The following TCL1B variants were observed in gnomAD, a reference collection of about 807,000 sequenced individuals.
TCL1B encodes T-cell leukemia/lymphoma protein 1B.
Under a neutral mutation model 16.9 loss-of-function variants are expected in TCL1B, and 14 were observed. The observed-to-expected ratio is 0.83, with a 90% CI of 0.55 to 1.30. The LOEUF (loss-of-function observed/expected upper bound fraction) is 1.30, where lower values mean the gene tolerates loss of function less well. TCL1B is among the 50% of genes most tolerant of loss of function. TCL1B has a pLI of 0.00. For synonymous variants in TCL1B, 79 were observed against 66.6 expected, an observed-to-expected ratio of 1.19 and a Z score of -0.91; for missense variants, 166 against 165.2, an observed-to-expected ratio of 1.00 and a Z score of -0.03.
intron 1 of TCL1B, among the ~76,000 whole-genome samples, chr14:95,687,951 C>CAGA: frequency 9.2e-6 from 1 of 108,716 alleles, no homozygotes; most frequent in South Asian, 3.2e-4. Flanking sequence ...GACTCCGTCC[C>CAGA]AAAAAAAAAA....
chr14:95,691,428 C>G, intron 3 of TCL1B, 92 bp downstream of exon 3: 2 of 1,212,000 alleles, frequency 1.7e-6, no homozygotes, highest in South Asian at 1.4e-5. Flanking sequence ...GCCTCCTCCT[C>G]CCTGCTGTTT....
intron 1 of TCL1B, 101 bp from the exon 2 acceptor site, chr14:95,690,634 AT>A (rs1885858386): frequency 1.5e-6 from 2 of 1,337,348 alleles, no homozygotes; most frequent in African/African-American, 2.9e-5. Context: ...TTCTGAAAAC[AT>A]TTACCTCTGA....
Position 95,690,892 on chromosome 14 carries a change from G to A in TCL1B, c.319G>A (p.Ala107Thr), listed in dbSNP as rs559450838. 9.8e-5 allele frequency: 158 copies of A among 1,613,854 alleles called. 1 individual carries two copies. The South Asian group carries it at 1.7e-3, about 17-fold the overall frequency. ...RAADSSFWEI[A>T]DHGQIDSMEQ... is the part of the protein sequence containing the mutation. ...AGCGGATTCCAGTTTCTGGGAAATA[G>A]CAGACCATGGCCAGGCAAGTGTGTG... The change falls in exon 2 of 4, where the codon GCA becomes ACA. Residue 107 changes from alanine to threonine, a missense_variant. Transcript: ENST00000340722.
chr14:95,686,756 C>A, intron 1 of TCL1B, 127 bp downstream of exon 1: 1 of 1,182,198 alleles, frequency 8.5e-7, no homozygotes, highest in Non-Finnish European at 1.1e-6. Flanking sequence ...CTGTGCAGGT[C>A]TAGGAGCGCA....
chr14:95,691,390 CCT>C (rs1257709583), intron 3 of TCL1B, 54 bp downstream of exon 3: 4 of 1,537,640 alleles, frequency 2.6e-6, no homozygotes, highest in African/African-American at 1.4e-5. Context: ...AGTGAGAAGA[CCT>C]CTCCTCTTTT....
At chr14:95,690,994 G>T (rs2075770) in intron 2 of TCL1B, 88 bp downstream of exon 2, 742,051 of 1,496,186 alleles carry the variant, frequency 0.5, 187,258 homozygotes, top group East Asian at 0.77. Context: ...TGGCCCCCTT[G>T]GGGTTCTTGT....
At chr14:95,686,886 G>A (rs1319607881) in intron 1 of TCL1B, among the ~76,000 whole-genome samples, 2 of 152,216 alleles carry the variant, frequency 1.3e-5, no homozygotes, top group Non-Finnish European at 2.9e-5. Flanking sequence ...AGGTAGCTCA[G>A]GGCTTAGTGC....
intron 1 of TCL1B, among the ~76,000 whole-genome samples, chr14:95,689,092 C>G (rs1037903748): frequency 1.3e-5 from 2 of 152,108 alleles, no homozygotes; most frequent in Non-Finnish European, 2.9e-5. Flanking sequence ...CGAGACCATC[C>G]TGGCTAACAC....
At chr14:95,687,749 G>A (rs144404099) in intron 1 of TCL1B, among the ~76,000 whole-genome samples, 456 of 152,070 alleles carry the variant, frequency 3.0e-3, no homozygotes, top group African/African-American at 0.01. Context: ...TCAGGAGATC[G>A]AGACCATCCT....
chr14:95,691,854 C>G (rs1156274801), intron 3 of TCL1B, 77 bp from the exon 4 acceptor site: 1 of 153,444 alleles, frequency 6.5e-6, no homozygotes, highest in Non-Finnish European at 1.5e-5. Flanking sequence ...ACTGGACTTG[C>G]CTTTGACCCC....
At chr14:95,686,718 G>A in intron 1 of TCL1B, 89 bp downstream of exon 1, 5 of 1,413,150 alleles carry the variant, frequency 3.5e-6, no homozygotes, top group South Asian at 1.5e-5. Flanking sequence ...AGAGGGGGCC[G>A]TTCTCACCCG....
rs141499506 is a variant in TCL1B, at chr14:95,691,682, C to T, written c.*16-249C>T. On this transcript the variant is annotated intron_variant, in intron 3 of 3. Coordinates refer to ENST00000340722, the MANE Select transcript of TCL1B (RefSeq NM_004918.4). ...TCGAGACCATACAGCCAGGAAATAG[C>T]GGTGAATCTAGTGATCTCGGGTCCC... 1.5e-3 allele frequency: 330 copies of T among 219,352 alleles called. 1 individual carries two copies. Among genetic ancestry groups the T allele is most frequent in the African/African-American group, 7.0e-3 (308 of 44,020 alleles). The allele number at this position is 219,352 out of a possible 1,614,324, so 13.6% of individuals were successfully genotyped here. A position where few individuals can be genotyped will look rare whatever the true frequency, so the allele number is the denominator to read the frequency against.
In TCL1B at chr14:95,686,557, A is replaced by G; in HGVS notation, c.90A>G (p.Arg30=). ...RPGIYEDEEG[R]TWVTVVVRFN... is the part of the protein sequence containing the mutation. ...GCATCTACGAAGATGAGGAGGGGAG[A>G]ACCTGGGTGACTGTGGTCGTGCGGT... The change falls in exon 1 of 4, where the codon AGA becomes AGG. Residue 30 remains arginine (R), a synonymous_variant. Coordinates refer to ENST00000340722, the MANE Select transcript of TCL1B (RefSeq NM_004918.4). 1 of 1,613,726 alleles carries G rather than the reference A, an allele frequency of 6.2e-7. No individual in the cohort carries two copies. Among genetic ancestry groups the G allele is most frequent in the Non-Finnish European group, 8.5e-7 (1 of 1,179,852 alleles).
In TCL1B at chr14:95,686,631, T is replaced by G; in HGVS notation, c.162+2T>G. The G allele has an allele frequency of 3.1e-6, 5 of 1,603,854 alleles. No individual in the cohort carries two copies. Among genetic ancestry groups the G allele is most frequent in the Non-Finnish European group, 4.3e-6 (5 of 1,175,136 alleles). On this transcript the variant is annotated splice_donor_variant, in intron 1 of 3. Transcript: ENST00000340722. LOFTEE classifies it high-confidence loss of function. ...GCCAGGGCCTCCCAGGGCAGCAGAG[T>G]GAGTCCTGGGCACGAGGGGAGGCTG...
At chr14:95,690,936 G>A (rs372535115) in intron 2 of TCL1B, 30 bp downstream of exon 2, 3 of 1,604,712 alleles carry the variant, frequency 1.9e-6, no homozygotes, top group African/African-American at 2.7e-5. Context: ...AGGTGAAAGC[G>A]ACAGGTGGCC....
chr14:95,690,837 G>A lies in TCL1B; in HGVS notation c.264G>A (p.Trp88Ter). 5 of 1,614,156 alleles carry A rather than the reference G, an allele frequency of 3.1e-6. No homozygotes were observed. Among genetic ancestry groups the A allele is most frequent in the Non-Finnish European group, 4.2e-6 (5 of 1,179,970 alleles). Residue 88 changes from tryptophan (W) to a stop codon, truncating the protein, a stop_gained, in exon 2 of 4, where the codon TGG (tryptophan) becomes TGA (stop). Coordinates refer to ENST00000340722, the MANE Select transcript of TCL1B (RefSeq NM_004918.4). LOFTEE classifies it high-confidence loss of function. ...QMPFSQLPAVWQLYPGRKYRA... is the reference protein window; with the variant it reads ...QMPFSQLPAV ...CCTTCTCCCAGCTGCCCGCCGTGTG[G>A]CAGCTCTACCCCGGGAGGAAGTACC...
intron 1 of TCL1B, among the ~76,000 whole-genome samples, chr14:95,690,089 A>G (rs4905375): frequency 0.33 from 49,851 of 152,042 alleles, 8,650 homozygotes; most frequent in East Asian, 0.61. Flanking sequence ...AACAGCCTCT[A>G]CCTCCCAGGT....
intron 3 of TCL1B, chr14:95,691,578 T>C (rs563509624): frequency 5.0e-6 from 2 of 403,642 alleles, no homozygotes; most frequent in African/African-American, 2.0e-5. Context: ...TTAATCCTTG[T>C]GAGAATTTTG....
intron 1 of TCL1B, among the ~76,000 whole-genome samples, chr14:95,688,747 C>T (rs1293597272): frequency 2.6e-5 from 4 of 152,170 alleles, no homozygotes; most frequent in African/African-American, 7.2e-5. Context: ...ACGGATGAAA[C>T]TTGGAGCCAT....
Sources: gnomAD v4.1 joint callset for allele counts (sites outside exome capture counted in the v4.1 genomes callset) on GRCh38, gnomAD v4.1.1 for gene constraint, MANE v1.5 for transcripts, NCBI Gene and HGNC (gene_info 2026-07-23, HGNC 2026-07-21) for gene names.